CEP350: variants seen among roughly 807,000 people sequenced by gnomAD.
CEP350 encodes the protein centrosomal protein 350.
A neutral mutation model predicts 331.8 loss-of-function variants in CEP350; 126 were observed. The observed-to-expected ratio is 0.38, with a 90% CI of 0.33 to 0.44. The LOEUF (loss-of-function observed/expected upper bound fraction) is 0.44. CEP350 is among the 20% of genes least tolerant of loss of function. The pLI, the probability that CEP350 is intolerant of heterozygous loss-of-function variation, is 1.00. For synonymous variants in CEP350, 1,200 were observed against 1,259.5 expected (o/e 0.95, Z 1.00); for missense variants, 3,406 against 3,634.6 (o/e 0.94, Z 1.62).
intron 1 of CEP350, among the ~76,000 whole-genome samples, chr1:179,972,703 A>G (rs993550459): frequency 6.6e-6 from 1 of 151,648 alleles, no homozygotes; most frequent in Non-Finnish European, 1.5e-5. Flanking sequence ...GTCAATTGTA[A>G]TGAAGCTGCC....
At chr1:180,066,267 T>G in intron 27 of CEP350, among the ~76,000 whole-genome samples, 1 of 152,202 alleles carries the variant, frequency 6.6e-6, no homozygotes, top group East Asian at 1.9e-4. Flanking sequence ...TTCTTGCCTC[T>G]GTAACCTCCA....
chr1:180,022,986 A>G (rs1469764666), intron 13 of CEP350, 138 bp downstream of exon 13: 2 of 725,626 alleles, frequency 2.8e-6, no homozygotes, highest in Middle Eastern at 4.1e-4. Flanking sequence ...GGAGATCCAG[A>G]GCATGGGCTC....
At chr1:180,101,528 C>A (rs768063003) in intron 37 of CEP350, among the ~76,000 whole-genome samples, 2 of 152,168 alleles carry the variant, frequency 1.3e-5, no homozygotes, top group Admixed American at 6.5e-5. Flanking sequence ...AAGAAAACTT[C>A]TGTGACCATA....
At chr1:180,101,684 A>G (rs1278848477) in intron 37 of CEP350, among the ~76,000 whole-genome samples, 1 of 152,142 alleles carries the variant, frequency 6.6e-6, no homozygotes, top group Non-Finnish European at 1.5e-5. Context: ...CCCCCTCCAC[A>G]CACACATACC....
intron 36 of CEP350, 101 bp downstream of exon 36, chr1:180,096,285 T>C (rs1660475725): frequency 1.5e-6 from 2 of 1,331,308 alleles, no homozygotes; most frequent in Non-Finnish European, 2.0e-6. Flanking sequence ...ATGATTAACC[T>C]TTGTGTCTTC....
chr1:180,073,275 G>T (rs149465256), intron 27 of CEP350, among the ~76,000 whole-genome samples: 1 of 152,252 alleles, frequency 6.6e-6, no homozygotes, highest in South Asian at 2.1e-4. Flanking sequence ...AGGTATTTTT[G>T]TGTAAATCAG....
rs567758130 is a variant in CEP350 at position 180,041,697 on chromosome 1, A to G, written c.4257A>G (p.Ser1419=). Residue 1419 remains serine, a synonymous_variant, in exon 19 of 38, where the codon TCA becomes TCG. Coordinates refer to ENST00000367607, the MANE Select transcript of CEP350 (RefSeq NM_014810.5). ...AATCATTACAGCAGGTGGTTCAATC[A>G]CAACGGGAAGTAACTGAAGTCCTGC... ...HAESLQQVVQ[S]QREVTEVLQE... The G allele has an allele frequency of 3.7e-6, 6 of 1,613,800 alleles. No individual in the cohort carries two copies. In the African/African-American group the frequency reaches 8.0e-5, roughly 22 times the overall value.
At chr1:180,053,678 A>T (rs17371308) in intron 23 of CEP350, 72 bp from the exon 24 acceptor site, 11 of 871,642 alleles carry the variant, frequency 1.3e-5, no homozygotes, top group Non-Finnish European at 1.7e-5. Context: ...TTGTAAATGC[A>T]TACCTCTTTT....
At chr1:180,101,079 A>G (rs1272353226) in intron 37 of CEP350, among the ~76,000 whole-genome samples, 1 of 152,232 alleles carries the variant, frequency 6.6e-6, no homozygotes, top group Non-Finnish European at 1.5e-5. Flanking sequence ...AATACTAAAC[A>G]AAATATTTCT....
chr1:180,013,852 C>T lies in CEP350; in HGVS notation c.1399C>T (p.His467Tyr). The change falls in exon 10 of 38, where the codon CAC (histidine) becomes TAC (tyrosine). Residue 467 changes from histidine (H) to tyrosine (Y), a missense_variant. By Grantham distance (83) the His-to-Tyr change is moderately conservative. Around this residue, in one of 5 missense-constraint regions of CEP350, gnomAD observed 1,857 missense variants for 1,909.2 expected, o/e 0.97. Coordinates refer to ENST00000367607, the MANE Select transcript of CEP350 (RefSeq NM_014810.5). ...TAACAGTTCATACTTTGCAGGGGGT[C>T]ACATTGGAAGAGCAGAATCTGATCC... ...GRERTAKSGG[H>Y]IGRAESDPRL... 6.2e-7 allele frequency: 1 copy of T among 1,603,988 alleles called. No homozygotes were observed. Among genetic ancestry groups the T allele is most frequent in the East Asian group, 2.2e-5 (1 of 44,828 alleles).
chr1:180,086,475 T>C (rs79811033), intron 31 of CEP350, among the ~76,000 whole-genome samples: 4,564 of 152,064 alleles, frequency 0.03, 120 homozygotes, highest in South Asian at 0.071. Flanking sequence ...TTCTACTTAA[T>C]GGCATAAACA....
In CEP350 at chr1:180,011,932, GT is replaced by G; in HGVS notation, c.1251del (p.Ser417ArgfsTer5). 1 of 1,591,966 alleles carries G rather than the reference GT, an allele frequency of 6.3e-7. No homozygotes were observed. Among genetic ancestry groups the G allele is most frequent in the Non-Finnish European group, 8.6e-7 (1 of 1,169,154 alleles). ...TCAGTGCCATGTATTTTTTTAGGTA[GT>G]AGTCATCTTATAAGTACATCTTCTT... Reference protein sequence around the residue: ...QLSSTECRTGSSHLISTSSWR... With the variant: ...QLSSTECRTGXSHLISTSSWR... On this transcript the variant is annotated frameshift_variant, in exon 9 of 38. Transcript: ENST00000367607. LOFTEE classifies it high-confidence loss of function.
chr1:180,071,546 G>A (rs1658896646), intron 27 of CEP350, among the ~76,000 whole-genome samples: 1 of 151,820 alleles, frequency 6.6e-6, no homozygotes, highest in Non-Finnish European at 1.5e-5. Context: ...GGAGGCCAAG[G>A]CAGATGGATC....
Position 180,061,506 on chromosome 1 carries a change from T to G in CEP350, c.5263-714T>G, listed in dbSNP as rs147994831. On this transcript the variant is annotated intron_variant, in intron 25 of 37. Coordinates refer to ENST00000367607, the MANE Select transcript of CEP350 (RefSeq NM_014810.5). ...ACCATGCCCAGCCAAGAAAACAGAT[T>G]TAAAACAAATTTATTTTTTAAAAAG... Among the ~76,000 whole-genome samples the G allele has an allele frequency of 2.7e-4, 41 of 152,340 alleles. 1 individual carries two copies. In the East Asian group the frequency reaches 6.7e-3, roughly 25 times the overall value.
intron 36 of CEP350, among the ~76,000 whole-genome samples, chr1:180,097,954 G>A (rs562798660): frequency 6.4e-4 from 97 of 152,094 alleles, no homozygotes; most frequent in African/African-American, 2.3e-3. Flanking sequence ...TTAGCTAATG[G>A]TAGTTTTGTT....
chr1:180,076,862 A>C (rs1381136935), intron 28 of CEP350, among the ~76,000 whole-genome samples: 1 of 152,220 alleles, frequency 6.6e-6, no homozygotes, highest in African/African-American at 2.4e-5. Flanking sequence ...TAGCCATAGA[A>C]AGGAACTTTC....
chr1:180,087,265 A>G (rs1215295059), intron 31 of CEP350: 2 of 179,972 alleles, frequency 1.1e-5, no homozygotes, highest in East Asian at 1.6e-4. Context: ...TAGAGAATAC[A>G]AAGAAGTTTT....
intron 19 of CEP350, 116 bp downstream of exon 19, chr1:180,041,918 T>G: frequency 1.1e-6 from 1 of 938,396 alleles, no homozygotes; most frequent in African/African-American, 1.7e-5. Context: ...AATTAGTGAC[T>G]TTTAGTGGGG....
intron 13 of CEP350, among the ~76,000 whole-genome samples, 195 bp from the exon 14 acceptor site, chr1:180,024,224 G>A (rs1030280900): frequency 4.0e-5 from 6 of 151,640 alleles, no homozygotes; most frequent in Admixed American, 1.3e-4. Context: ...ACTTACCTTT[G>A]ATTTTTCTTA....
Sources: gnomAD v4.1 joint callset for allele counts (sites outside exome capture counted in the v4.1 genomes callset) on GRCh38, gnomAD v4.1.1 for gene constraint, gnomAD v4.1.1 regional missense constraint, MANE v1.5 for transcripts, NCBI Gene and HGNC (gene_info 2026-07-23, HGNC 2026-07-21) for gene names.